Variants in FURIN observed in about 807,000 individuals in gnomAD.
FURIN encodes the protein furin, paired basic amino acid cleaving enzyme.
A neutral mutation model predicts 89.2 loss-of-function variants in FURIN; 18 were observed. That is an observed-to-expected ratio of 0.20 (90% confidence interval 0.14 to 0.30). FURIN has a LOEUF of 0.30. FURIN is among the 10% of genes least tolerant of loss of function. The probability of loss-of-function intolerance (pLI) is 1.00; values close to 1 mark genes in which losing one functional copy is unlikely to be tolerated. For synonymous variants in FURIN, 508 were observed against 466.4 expected (o/e 1.09, Z -1.15); for missense variants, 879 against 1,100.5 (o/e 0.80, Z 2.85).
intron 1 of FURIN, among the ~76,000 whole-genome samples, chr15:90,874,239 C>T (rs2031481726): frequency 6.6e-6 from 1 of 152,248 alleles, no homozygotes; most frequent in Non-Finnish European, 1.5e-5. Flanking sequence ...GTCCCGCCGT[C>T]TGTTTGCTGA....
In FURIN at chr15:90,881,274, C is replaced by T. The variant is rs1376012906; in HGVS notation, c.1793-12C>T. The T allele has an allele frequency of 6.4e-7, 1 of 1,573,564 alleles. No individual in the cohort carries two copies. On this transcript the variant is annotated splice_polypyrimidine_tract_variant and intron_variant, in intron 15 of 15. Coordinates refer to ENST00000268171, the MANE Select transcript of FURIN (RefSeq NM_002569.4). This position sits in a 1 kb window ranked among gnomAD's most constrained non-coding sequence, Gnocchi z 4.3. ...AGCTGACACACACTTGCCCTCTCTC[C>T]CACGCCGGCAGTGTGCGAGGAAGGC...
At position 90,876,322 on chromosome 15, in the gene FURIN, C is replaced by A; in HGVS notation, c.245C>A (p.Pro82Gln). ...VTKRSLSPHR[P>Q]RHSRLQREPQ... ...AAGCGGTCCCTGTCGCCTCACCGCC[C>A]GCGGCACAGCCGGCTGCAGAGGGAG... The change falls in exon 3 of 16, where the codon CCG (proline) becomes CAG (glutamine). Residue 82 changes from proline (P) to glutamine (Q), a missense_variant. This residue lies in a region of FURIN where 125 missense variants were observed against 125.0 expected (regional missense o/e 1.00). Coordinates refer to ENST00000268171, the MANE Select transcript of FURIN (RefSeq NM_002569.4). This position sits in a 1 kb window ranked among gnomAD's most constrained non-coding sequence, Gnocchi z 5.0. 6.2e-7 allele frequency: 1 copy of A among 1,612,362 alleles called. No homozygotes were observed. The highest frequency in any genetic ancestry group is 8.5e-7 in the Non-Finnish European group (1 of 1,178,696).
chr15:90,879,214 C>G (rs1233637794), intron 9 of FURIN, among the ~76,000 whole-genome samples: 1 of 152,238 alleles, frequency 6.6e-6, no homozygotes, highest in African/African-American at 2.4e-5. Context: ...TTCATCTCCA[C>G]CCTCTAGTTG....
At position 90,875,839 on chromosome 15, in the gene FURIN, G is replaced by T. The variant is rs745366653; in HGVS notation, c.99G>T (p.Thr33=). The T allele has an allele frequency of 6.3e-7, 1 of 1,577,732 alleles. No homozygotes were observed. Among genetic ancestry groups the T allele is most frequent in the Non-Finnish European group, 8.6e-7 (1 of 1,161,926 alleles). Residue 33 remains threonine, a synonymous_variant, in exon 2 of 16, where the codon ACG becomes ACT. Coordinates refer to ENST00000268171, the MANE Select transcript of FURIN (RefSeq NM_002569.4). The part of the protein sequence containing the change: ...DAQGQKVFTN[T]WAVRIPGGPA... ...AGGGCCAGAAGGTCTTCACCAACAC[G>T]TGGGCTGTGCGCATCCCTGGAGGCC...
chr15:90,874,558 G>C (rs1241262957), intron 1 of FURIN, among the ~76,000 whole-genome samples: 1 of 152,228 alleles, frequency 6.6e-6, no homozygotes, highest in East Asian at 1.9e-4. Context: ...GCCCCTAAAA[G>C]CACCATCCCA....
Position 90,880,157 on chromosome 15 carries a change from C to T in FURIN, c.1440C>T (p.His480=). 1 of 1,612,506 alleles carries T rather than the reference C, an allele frequency of 6.2e-7. No individual in the cohort carries two copies. Among genetic ancestry groups the T allele is most frequent in the South Asian group, 1.1e-5 (1 of 91,012 alleles). ...TVTACLGEPN[H]ITRLEHAQAR... is the part of the protein sequence containing the mutation. ...CCGCGTGCCTGGGCGAGCCCAACCACATCACTCGGCTGGAGCACGCTCAGG... is the reference window on the plus strand; with the variant it reads ...CCGCGTGCCTGGGCGAGCCCAACCATATCACTCGGCTGGAGCACGCTCAGG... The change falls in exon 13 of 16, where the codon CAC becomes CAT. Residue 480 remains histidine (H), a synonymous_variant. Coordinates refer to ENST00000268171, the MANE Select transcript of FURIN (RefSeq NM_002569.4).
In FURIN at chr15:90,881,506, G is replaced by A. The variant is rs1263319002; in HGVS notation, c.2013G>A (p.Val671=). 6.2e-7 allele frequency: 1 copy of A among 1,611,816 alleles called. No individual in the cohort carries two copies. The highest frequency in any genetic ancestry group is 8.5e-7 in the Non-Finnish European group (1 of 1,179,740). The change falls in exon 16 of 16, where the codon GTG becomes GTA. Residue 671 remains valine (V), a synonymous_variant. Transcript: ENST00000268171. The surrounding 1 kb of genome is among the most constrained non-coding windows in gnomAD (Gnocchi z 4.3). ...CCAGCCACGCCTCCTTGGACCCTGT[G>A]GAGCAGACTTGCTCCCGGCAAAGCC... is the stretch of plus-strand genomic sequence containing the variant. The part of the protein sequence containing the change: ...SCPSHASLDP[V]EQTCSRQSQS...
chr15:90,878,405 T>C (rs1194205308), intron 8 of FURIN, 101 bp downstream of exon 8: 1 of 992,306 alleles, frequency 1.0e-6, no homozygotes, highest in African/African-American at 1.6e-5. Flanking sequence ...CATGTTTAAC[T>C]TTACACAAAG....
Position 90,876,570 on chromosome 15 carries a change from C to T in FURIN, c.372+13C>T. On this transcript the variant is annotated intron_variant, in intron 4 of 15. Coordinates refer to ENST00000268171, the MANE Select transcript of FURIN (RefSeq NM_002569.4). This position sits in a 1 kb window ranked among gnomAD's most constrained non-coding sequence, Gnocchi z 5.0. ...GCAGTGGTACCTGGTACGTGGCCTTCTTCGCTGCTGGGACCTCCTCCCCAG... is the reference window on the plus strand; with the variant it reads ...GCAGTGGTACCTGGTACGTGGCCTTTTTCGCTGCTGGGACCTCCTCCCCAG... 1.3e-6 allele frequency: 2 copies of T among 1,556,454 alleles called. No individual in the cohort carries two copies. The highest frequency in any genetic ancestry group is 1.7e-5 in the Admixed American group (1 of 59,800).
Position 90,876,063 on chromosome 15 carries a change from C to A in FURIN, c.177+146C>A. On this transcript the variant is annotated intron_variant, in intron 2 of 15. Coordinates refer to ENST00000268171, the MANE Select transcript of FURIN (RefSeq NM_002569.4). The surrounding 1 kb of genome is among the most constrained non-coding windows in gnomAD (Gnocchi z 5.0). ...GGCCATGAGCAAAGCACAGGTGGTT[C>A]AGGCAAGCAGCATATCCCAGTGAGA... 2 of 784,800 alleles carry A rather than the reference C, an allele frequency of 2.5e-6. No homozygotes were observed. Among genetic ancestry groups the A allele is most frequent in the East Asian group, 2.6e-5 (1 of 38,158 alleles). The allele number at this position is 784,800 out of a possible 1,614,324, so 48.6% of individuals were successfully genotyped here. A position where few individuals can be genotyped will look rare whatever the true frequency, so the allele number is the denominator to read the frequency against.
intron 1 of FURIN, among the ~76,000 whole-genome samples, chr15:90,874,347 G>A (rs1017836742): frequency 2.0e-5 from 3 of 152,382 alleles, no homozygotes; most frequent in Admixed American, 6.5e-5. Flanking sequence ...CTCGGATTAC[G>A]CAAGGCTGGT....
At position 90,880,952 on chromosome 15, in the gene FURIN, C is replaced by T. The variant is rs544995744; in HGVS notation, c.1704C>T (p.Leu568=). 31 of 1,614,024 alleles carry T rather than the reference C, an allele frequency of 1.9e-5. No homozygotes were observed. The highest frequency in any genetic ancestry group is 1.2e-4 in the Admixed American group (7 of 60,028). The stretch of plus-strand genomic sequence containing the variant: ...CAGGGACGCTGACCAAGTTCACCCT[C>T]GTACTCTATGGCACCGCCCCTGAGG... ...NNYGTLTKFT[L]VLYGTAPEGL... The change falls in exon 15 of 16, where the codon CTC becomes CTT. Residue 568 remains leucine, a synonymous_variant. Transcript: ENST00000268171.
intron 6 of FURIN, 122 bp downstream of exon 6, chr15:90,877,333 C>A: frequency 1.0e-6 from 1 of 980,872 alleles, no homozygotes; most frequent in Non-Finnish European, 1.5e-6. Flanking sequence ...AGTCCTGGCC[C>A]ACCTGGGGCT....
rs779413840 is a variant in FURIN at position 90,881,440 on chromosome 15, C to T, written c.1947C>T (p.Ala649=). The change falls in exon 16 of 16, where the codon GCC becomes GCT. Residue 649 remains alanine, a synonymous_variant. Transcript: ENST00000268171. This position sits in a 1 kb window ranked among gnomAD's most constrained non-coding sequence, Gnocchi z 4.3. ...SVCAPCHASC[A]TCQGPALTDC... is the part of the protein sequence containing the mutation. ...GCGCCCCCTGCCACGCCTCATGTGCCACATGCCAGGGGCCGGCCCTGACAG... is the reference window on the plus strand; with the variant it reads ...GCGCCCCCTGCCACGCCTCATGTGCTACATGCCAGGGGCCGGCCCTGACAG... 3 of 1,612,672 alleles carry T rather than the reference C, an allele frequency of 1.9e-6. No homozygotes were observed. Among genetic ancestry groups the T allele is most frequent in the East Asian group, 2.2e-5 (1 of 44,866 alleles).
intron 1 of FURIN, among the ~76,000 whole-genome samples, chr15:90,875,381 G>T (rs1028688461): frequency 6.6e-6 from 1 of 152,094 alleles, no homozygotes; most frequent in Admixed American, 6.6e-5. Context: ...GATTGGGGGG[G>T]ATTGTGAGGG....
Position 90,876,413 on chromosome 15 carries a change from C to T in FURIN, c.277-49C>T. On this transcript the variant is annotated intron_variant, in intron 3 of 15. Transcript: ENST00000268171. The surrounding 1 kb of genome is among the most constrained non-coding windows in gnomAD (Gnocchi z 5.0). ...CTCCCCCTCCTGCTCTCAGGAGCCC[C>T]TCTCGCCTCCTGCTCCACCCACACC... The T allele has an allele frequency of 5.3e-6, 8 of 1,523,356 alleles. No individual in the cohort carries two copies. The highest frequency in any genetic ancestry group is 7.3e-6 in the Non-Finnish European group (8 of 1,097,228). The allele number at this position is 1,523,356 out of a possible 1,614,324, so 94.4% of individuals were successfully genotyped here. A position where few individuals can be genotyped will look rare whatever the true frequency, so the allele number is the denominator to read the frequency against.
rs2032061493 is a variant in FURIN at position 90,882,675 on chromosome 15, G to C, written c.*797G>C. 2 of 152,694 alleles carry C rather than the reference G, an allele frequency of 1.3e-5. No homozygotes were observed. The highest frequency in any genetic ancestry group is 6.5e-5 in the Admixed American group (1 of 15,292). The allele number at this position is 152,694 out of a possible 1,614,324, so 9.5% of individuals were successfully genotyped here. On this transcript the variant is annotated 3_prime_UTR_variant, in exon 16 of 16. Coordinates refer to ENST00000268171, the MANE Select transcript of FURIN (RefSeq NM_002569.4). ...TGGGTGGGTGGTGGGGAGGGGCGCT[G>C]GCCCAGCCGGCCTCTCTGGCCTCCC...
rs2031856103 is a variant in FURIN, at chr15:90,879,945, C to T, written c.1337C>T (p.Pro446Leu). ...GCCCAGAATTGGACCACAGTGGCCCCCCAGCGGAAGTGCATCATCGACATC... is the reference window on the plus strand; with the variant it reads ...GCCCAGAATTGGACCACAGTGGCCCTCCAGCGGAAGTGCATCATCGACATC... Reference protein sequence around the residue: ...ALAQNWTTVAPQRKCIIDILT... With the variant: ...ALAQNWTTVALQRKCIIDILT... Residue 446 changes from proline (P) to leucine (L), a missense_variant, in exon 12 of 16, where the codon CCC (proline) becomes CTC (leucine). By Grantham distance (98) the Pro-to-Leu change is moderately conservative. Transcript: ENST00000268171. The T allele has an allele frequency of 6.2e-7, 1 of 1,613,270 alleles. No homozygotes were observed. Among genetic ancestry groups the T allele is most frequent in the Non-Finnish European group, 8.5e-7 (1 of 1,180,014 alleles).
rs2031698769 is a variant in FURIN, at chr15:90,877,518, C to A, written c.579-9C>A. On this transcript the variant is annotated splice_polypyrimidine_tract_variant and intron_variant, in intron 6 of 15. Coordinates refer to ENST00000268171, the MANE Select transcript of FURIN (RefSeq NM_002569.4). Reference sequence around the variant, plus strand: ...TGTTCTACTCATGCTACGTGCTTGGCCCTGGCAGGCACGGCACACGGTGTG... The same window carrying A: ...TGTTCTACTCATGCTACGTGCTTGGACCTGGCAGGCACGGCACACGGTGTG... 2 of 1,561,332 alleles carry A rather than the reference C, an allele frequency of 1.3e-6. No homozygotes were observed. Among genetic ancestry groups the A allele is most frequent in the Admixed American group, 1.9e-5 (1 of 52,276 alleles).
Sources: gnomAD v4.1 joint callset for allele counts (sites outside exome capture counted in the v4.1 genomes callset) on GRCh38, gnomAD v4.1.1 for gene constraint, gnomAD v4.1.1 regional missense constraint, Gnocchi (gnomAD v3.1) non-coding constraint, MANE v1.5 for transcripts, NCBI Gene and HGNC (gene_info 2026-07-23, HGNC 2026-07-21) for gene names.